Variants in CDH20 observed in about 807,000 individuals in gnomAD.
The protein encoded by CDH20 is cadherin-20.
A neutral mutation model predicts 74.2 loss-of-function variants in CDH20; 29 were observed. That is an observed-to-expected ratio of 0.39 (90% CI 0.29 to 0.53). The LOEUF (loss-of-function observed/expected upper bound fraction) is 0.53. Among genes scored for constraint, CDH20 ranks in the 20% least tolerant of loss-of-function variants. The pLI, the probability that CDH20 is intolerant of heterozygous loss-of-function variation, is 0.69. For missense variants in CDH20, 988 were observed against 1,048.3 expected, an observed-to-expected ratio of 0.94 and a Z score of 0.79; for synonymous variants, 469 against 405.4, an observed-to-expected ratio of 1.16 and a Z score of -1.88.
At chr18:61,376,311 C>T (rs1357280982) in intron 1 of CDH20, among the ~76,000 whole-genome samples, 3 of 152,002 alleles carry the variant, frequency 2.0e-5, no homozygotes, top group Non-Finnish European at 2.9e-5. Flanking sequence ...TTTACATGTA[C>T]ATTTTTAGGA....
chr18:61,520,433 ATAAAG>A (rs1912165611), intron 6 of CDH20, among the ~76,000 whole-genome samples: 1 of 151,202 alleles, frequency 6.6e-6, no homozygotes, highest in South Asian at 2.1e-4. Flanking sequence ...ACCCAGATTC[ATAAAG>A]CAAGTTCTTA....
At chr18:61,457,199 A>C (rs1029581141) in intron 1 of CDH20, among the ~76,000 whole-genome samples, 7 of 152,088 alleles carry the variant, frequency 4.6e-5, no homozygotes, top group African/African-American at 1.7e-4. Context: ...TTTCTCACTC[A>C]TTCCTCAGTG....
At chr18:61,502,262 T>G (rs905353074) in intron 4 of CDH20, among the ~76,000 whole-genome samples, 3 of 152,154 alleles carry the variant, frequency 2.0e-5, no homozygotes, top group African/African-American at 7.2e-5. Context: ...TCTTCTTAAA[T>G]GAAACCGTAT....
intron 6 of CDH20, among the ~76,000 whole-genome samples, chr18:61,511,844 C>G (rs1190708016): frequency 6.6e-6 from 1 of 152,070 alleles, no homozygotes; most frequent in African/African-American, 2.4e-5. Flanking sequence ...TCAATTTTGC[C>G]AAGGTCACTT....
At chr18:61,552,095 A>G (rs1241883794) in intron 11 of CDH20, among the ~76,000 whole-genome samples, 1 of 152,154 alleles carries the variant, frequency 6.6e-6, no homozygotes, top group Non-Finnish European at 1.5e-5. Flanking sequence ...TAATTCATCA[A>G]ACTTTAAGAT....
At chr18:61,369,303 A>T (rs1425886886) in intron 1 of CDH20, among the ~76,000 whole-genome samples, 2 of 152,152 alleles carry the variant, frequency 1.3e-5, no homozygotes, top group African/African-American at 4.8e-5. Flanking sequence ...GCCCATATTC[A>T]CTCCATGCAG....
intron 1 of CDH20, among the ~76,000 whole-genome samples, chr18:61,355,251 A>G (rs1438856327): frequency 6.6e-6 from 1 of 152,250 alleles, no homozygotes; most frequent in East Asian, 1.9e-4. Context: ...TAGAAGAACC[A>G]ATGTAGCTTT....
intron 1 of CDH20, among the ~76,000 whole-genome samples, chr18:61,469,668 T>A (rs1910094922): frequency 6.6e-6 from 1 of 152,306 alleles, no homozygotes; most frequent in South Asian, 2.1e-4. Context: ...AGATTTAGAA[T>A]CAACCTTTGG....
rs1482201656 is a variant in CDH20 at position 61,372,307 on chromosome 18, T to C, written c.-153+38480T>C. On this transcript the variant is annotated intron_variant, in intron 1 of 11. Transcript: ENST00000262717. ...TTTGTTCTGTTGCACAGAATACCCATGCTAAAATATCTTCTGTGTCTATTG... is the reference window on the plus strand; with the variant it reads ...TTTGTTCTGTTGCACAGAATACCCACGCTAAAATATCTTCTGTGTCTATTG... 4.6e-5 allele frequency among the ~76,000 whole-genome samples: 7 copies of C among 152,220 alleles called. 1 individual carries two copies. In the Middle Eastern group the frequency reaches 0.014, roughly 296 times the overall value.
Position 61,554,634 on chromosome 18 carries a change from C to G in CDH20, c.2345C>G (p.Pro782Arg). 1 of 1,602,426 alleles carries G rather than the reference C, an allele frequency of 6.2e-7. No homozygotes were observed. The highest frequency in any genetic ancestry group is 8.5e-7 in the Non-Finnish European group (1 of 1,175,044). The change falls in exon 12 of 12, where the codon CCC (proline) becomes CGC (arginine). Residue 782 changes from proline to arginine, a missense_variant. By Grantham distance (103) the Pro-to-Arg change is moderately radical. This residue lies in a region of CDH20 where 375 missense variants were observed against 293.1 expected (regional missense o/e 1.28). Transcript: ENST00000262717. ...TTCGACTTCCTGACGGACTGGGGGC[C>G]CCGCTTCCGGAAGCTGGCCGAGCTC... ...QSFDFLTDWG[P>R]RFRKLAELYG... is the part of the protein sequence containing the mutation.
chr18:61,550,075 C>T lies in CDH20; in HGVS notation c.1746C>T (p.Pro582=), dbSNP rs771034659. 2.8e-5 allele frequency: 46 copies of T among 1,614,040 alleles called. No homozygotes were observed. The South Asian group carries it at 3.6e-4, about 13-fold the overall frequency. The part of the protein sequence containing the change: ...LPILIADSGQ[P]VLSSTGTLTI... The stretch of plus-strand genomic sequence containing the variant: ...TCCTGATAGCAGATAGCGGGCAGCC[C>T]GTGCTGAGCAGCACAGGCACACTGA... The change falls in exon 11 of 12, where the codon CCC becomes CCT. Residue 582 remains proline, a synonymous_variant. Coordinates refer to ENST00000262717, the MANE Select transcript of CDH20 (RefSeq NM_031891.4).
chr18:61,511,546 G>T (rs1473619219), intron 6 of CDH20, among the ~76,000 whole-genome samples: 1 of 151,942 alleles, frequency 6.6e-6, no homozygotes, highest in Non-Finnish European at 1.5e-5. Flanking sequence ...AAGAACTTTT[G>T]GGATTCTCAA....
chr18:61,394,300 C>T (rs1267845427), intron 1 of CDH20, among the ~76,000 whole-genome samples: 1 of 152,164 alleles, frequency 6.6e-6, no homozygotes. Flanking sequence ...TTCTACCCCG[C>T]AAGACCTCAG....
At chr18:61,409,512 T>C (rs1912429550) in intron 1 of CDH20, among the ~76,000 whole-genome samples, 1 of 152,220 alleles carries the variant, frequency 6.6e-6, no homozygotes, top group African/African-American at 2.4e-5. Flanking sequence ...TTGCCAGCTC[T>C]GTGACCTTAG....
At chr18:61,338,892 C>G (rs1004312289) in intron 1 of CDH20, among the ~76,000 whole-genome samples, 4 of 152,224 alleles carry the variant, frequency 2.6e-5, no homozygotes, top group South Asian at 2.1e-4. Flanking sequence ...CAACTCCTGA[C>G]TAGAATCTTG....
At chr18:61,480,330 C>T (rs1228262576) in intron 1 of CDH20, among the ~76,000 whole-genome samples, 1 of 152,192 alleles carries the variant, frequency 6.6e-6, no homozygotes, top group Admixed American at 6.5e-5. Context: ...TTTATTTTGC[C>T]AAGGTTGAGG....
chr18:61,540,091 A>C (rs1202000548), intron 9 of CDH20, among the ~76,000 whole-genome samples: 1 of 152,060 alleles, frequency 6.6e-6, no homozygotes, highest in Non-Finnish European at 1.5e-5. Context: ...TAATCTGTCC[A>C]TCTCCTCCAT....
chr18:61,416,054 A>AC (rs1283116299), intron 1 of CDH20, among the ~76,000 whole-genome samples: 3 of 151,920 alleles, frequency 2.0e-5, no homozygotes. Flanking sequence ...AAAAAAAAAA[A>AC]ATATTAAGAT....
chr18:61,386,121 T>G (rs1911591990), intron 1 of CDH20, among the ~76,000 whole-genome samples: 1 of 152,178 alleles, frequency 6.6e-6, no homozygotes, highest in African/African-American at 2.4e-5. Context: ...AAAGGGTAAA[T>G]GTTTCTAACT....
Sources: allele counts gnomAD v4.1 joint callset (sites outside exome capture counted in the v4.1 genomes callset), GRCh38; gene constraint gnomAD v4.1.1; regional missense constraint gnomAD v4.1.1; transcripts MANE v1.5; gene names NCBI Gene and HGNC (gene_info 2026-07-23, HGNC 2026-07-21).